Variants in AUTS2 observed in about 807,000 individuals in gnomAD.
AUTS2 encodes the protein activator of transcription and developmental regulator AUTS2, also known as autism susceptibility gene 2 protein.
In AUTS2, 17 loss-of-function variants were observed where a neutral mutation model predicts 112.4. The observed-to-expected ratio is 0.15, with a 90% confidence interval of 0.10 to 0.23. AUTS2 has a LOEUF of 0.23. Ranked by LOEUF, AUTS2 falls within the 10% of genes least tolerant of loss-of-function variation. AUTS2 has a pLI of 1.00. For synonymous variants in AUTS2, 751 were observed against 702.7 expected (o/e 1.07, Z -1.09); for missense variants, 1,510 against 1,701.6 (o/e 0.89, Z 1.98).
chr7:69,880,918 G>A (rs1794014689), intron 1 of AUTS2, among the ~76,000 whole-genome samples: 1 of 152,196 alleles, frequency 6.6e-6, no homozygotes, highest in Admixed American at 6.5e-5. Flanking sequence ...CCTTGTCACT[G>A]TCTCTAGAAT....
intron 10 of AUTS2, among the ~76,000 whole-genome samples, chr7:70,769,460 C>T (rs996313233): frequency 2.6e-5 from 4 of 152,294 alleles, no homozygotes; most frequent in East Asian, 1.9e-4. Context: ...CCGAGGCAGG[C>T]GGATCACAAG....
At chr7:70,270,703 A>G (rs1261697322) in intron 4 of AUTS2, among the ~76,000 whole-genome samples, 1 of 152,166 alleles carries the variant, frequency 6.6e-6, no homozygotes, top group Non-Finnish European at 1.5e-5. Flanking sequence ...AGTGTTTCAA[A>G]TGCTAACTAC....
chr7:70,479,518 G>A (rs1224258809), intron 5 of AUTS2, among the ~76,000 whole-genome samples: 1 of 152,148 alleles, frequency 6.6e-6, no homozygotes, highest in Non-Finnish European at 1.5e-5. Flanking sequence ...GAGTAGCCTA[G>A]ACACCGTGGA....
intron 1 of AUTS2, among the ~76,000 whole-genome samples, chr7:69,614,352 C>CTTTCTT (rs1793221872): frequency 1.2e-5 from 1 of 81,658 alleles, no homozygotes; most frequent in Non-Finnish European, 2.7e-5. Flanking sequence ...TTCTTTCTTT[C>CTTTCTT]TTTCTTTCTT....
chr7:69,956,591 T>G (rs1797221165), intron 2 of AUTS2, among the ~76,000 whole-genome samples: 3 of 152,178 alleles, frequency 2.0e-5, no homozygotes, highest in Admixed American at 1.3e-4. Flanking sequence ...AAAAAAACGG[T>G]TGAAATTATA....
intron 4 of AUTS2, among the ~76,000 whole-genome samples, chr7:70,241,454 C>G (rs1318774772): frequency 6.6e-6 from 1 of 152,110 alleles, no homozygotes; most frequent in Non-Finnish European, 1.5e-5. Flanking sequence ...AATATATCCC[C>G]TAGATAAAAG....
chr7:70,196,974 A>C (rs1810208285), intron 4 of AUTS2, among the ~76,000 whole-genome samples: 1 of 152,224 alleles, frequency 6.6e-6, no homozygotes, highest in South Asian at 2.1e-4. Flanking sequence ...CTAAATATGA[A>C]GAAGAAAGAG....
At chr7:70,001,869 C>T (rs1173920240) in intron 2 of AUTS2, among the ~76,000 whole-genome samples, 2 of 151,968 alleles carry the variant, frequency 1.3e-5, no homozygotes, top group Non-Finnish European at 2.9e-5. Context: ...CACCACCACG[C>T]CTGGCTAATT....
At chr7:70,546,217 G>A (rs1800769346) in intron 5 of AUTS2, among the ~76,000 whole-genome samples, 1 of 152,074 alleles carries the variant, frequency 6.6e-6, no homozygotes, top group Non-Finnish European at 1.5e-5. Flanking sequence ...GCTGAGGAAT[G>A]TGGATTACTT....
At chr7:69,726,201 C>T (rs969769335) in intron 1 of AUTS2, among the ~76,000 whole-genome samples, 7 of 152,190 alleles carry the variant, frequency 4.6e-5, no homozygotes, top group Non-Finnish European at 1.0e-4. Flanking sequence ...GAATCAATTC[C>T]TGCCCACCCC....
intron 5 of AUTS2, among the ~76,000 whole-genome samples, chr7:70,560,141 T>C (rs188984702): frequency 1.2e-4 from 19 of 152,312 alleles, no homozygotes; most frequent in African/African-American, 4.6e-4. Flanking sequence ...TCGCTTGGCT[T>C]GTTCTCTCAC....
intron 6 of AUTS2, among the ~76,000 whole-genome samples, chr7:70,744,354 G>A (rs548522200): frequency 2.6e-5 from 4 of 152,248 alleles, no homozygotes; most frequent in African/African-American, 7.2e-5. Context: ...CCAATGTCAC[G>A]GGCAAGCACA....
At chr7:70,043,614 T>A (rs919595907) in intron 2 of AUTS2, among the ~76,000 whole-genome samples, 1 of 146,902 alleles carries the variant, frequency 6.8e-6, no homozygotes, top group Non-Finnish European at 1.5e-5. Context: ...CCTTTTTTTT[T>A]TTTTTTTATT....
At chr7:70,398,058 G>T (rs1256738735) in intron 4 of AUTS2, among the ~76,000 whole-genome samples, 2 of 152,190 alleles carry the variant, frequency 1.3e-5, no homozygotes, top group African/African-American at 2.4e-5. Context: ...AAAAGGTTAT[G>T]CATTCTCTAC....
intron 4 of AUTS2, among the ~76,000 whole-genome samples, chr7:70,246,994 TAGC>T (rs1280360766): frequency 6.6e-6 from 1 of 152,120 alleles, no homozygotes; most frequent in East Asian, 1.9e-4. Flanking sequence ...AAAACCATGT[TAGC>T]AGCAGTTCTC....
At position 70,745,604 on chromosome 7, in the gene AUTS2, G is replaced by A. The variant is rs369122057; in HGVS notation, c.743-17266G>A. ...ATAAAGAGTGTTGACTGCTATAGAC[G>A]GAGCGTGCAGACCACAGGCGTATAC... On this transcript the variant is annotated intron_variant, in intron 6 of 18. Coordinates refer to ENST00000342771, the MANE Select transcript of AUTS2 (RefSeq NM_015570.4). Among the ~76,000 whole-genome samples, 6 of 152,174 alleles carry A rather than the reference G, an allele frequency of 3.9e-5. No individual in the cohort carries two copies. The South Asian group carries it at 1.0e-3, about 26-fold the overall frequency.
rs368980296 is a variant in AUTS2, at chr7:70,573,258, G to A, written c.691-125311G>A. Among the ~76,000 whole-genome samples the A allele has an allele frequency of 1.6e-4, 25 of 152,286 alleles. 1 individual carries two copies. Among genetic ancestry groups the A allele is most frequent in the South Asian group, 6.2e-4 (3 of 4,824 alleles). ...ATTACAGAATGCTTCACTGGTCCCC[G>A]GAGGTGGCCACAGACGCAGTGGATT... On this transcript the variant is annotated intron_variant, in intron 5 of 18. Transcript: ENST00000342771.
intron 1 of AUTS2, among the ~76,000 whole-genome samples, chr7:69,734,736 G>A (rs1362173262): frequency 6.6e-6 from 1 of 151,612 alleles, no homozygotes; most frequent in Non-Finnish European, 1.5e-5. Flanking sequence ...CCAGAGTACT[G>A]ATGTGTAACC....
chr7:69,692,289 C>T (rs1797381767), intron 1 of AUTS2, among the ~76,000 whole-genome samples: 1 of 152,156 alleles, frequency 6.6e-6, no homozygotes, highest in Non-Finnish European at 1.5e-5. Context: ...TTCGGTGGTC[C>T]TTTGAAATGA....
Sources: allele counts gnomAD v4.1 joint callset (sites outside exome capture counted in the v4.1 genomes callset), GRCh38; gene constraint gnomAD v4.1.1; transcripts MANE v1.5; gene names NCBI Gene and HGNC (gene_info 2026-07-23, HGNC 2026-07-21).